Variants in KCND3 observed in about 807,000 individuals in gnomAD.
KCND3 encodes the protein potassium voltage-gated channel subfamily D member 3, also known as A-type voltage-gated potassium channel KCND3.
In KCND3, 9 loss-of-function variants were observed where a neutral mutation model predicts 51.1. The observed-to-expected ratio is 0.18, with a 90% CI of 0.11 to 0.31. KCND3 has a LOEUF of 0.31. Ranked by LOEUF, KCND3 falls within the 10% of genes least tolerant of loss-of-function variation. The pLI, the probability that KCND3 is intolerant of heterozygous loss-of-function variation, is 1.00. For missense variants in KCND3, 526 were observed against 903.8 expected, an observed-to-expected ratio of 0.58 and a Z score of 5.36; for synonymous variants, 349 against 368.0, an observed-to-expected ratio of 0.95 and a Z score of 0.59.
In KCND3 at chr1:111,858,808, T is replaced by C. The variant is rs550818788; in HGVS notation, c.1107-71702A>G. ...CTCTCTAACCTCAATGCCTACTCTT[T>C]TCCCTTGGCCAGTTCTGCTCTAGAC... On this transcript the variant is annotated intron_variant, in intron 2 of 7. Coordinates refer to ENST00000302127, the MANE Select transcript of KCND3 (RefSeq NM_001378969.1). Among the ~76,000 whole-genome samples, 36 of 152,298 alleles carry C rather than the reference T, an allele frequency of 2.4e-4. 1 individual carries two copies. Among genetic ancestry groups the C allele is most frequent in the Admixed American group, 5.2e-4 (8 of 15,296 alleles).
intron 2 of KCND3, among the ~76,000 whole-genome samples, chr1:111,916,857 A>G (rs1326987749): frequency 6.6e-6 from 1 of 152,250 alleles, no homozygotes; most frequent in Non-Finnish European, 1.5e-5. Context: ...TCAAGAAGAA[A>G]TAGATAACTG....
intron 2 of KCND3, among the ~76,000 whole-genome samples, chr1:111,849,686 C>T (rs866481157): frequency 1.3e-5 from 2 of 152,172 alleles, no homozygotes; most frequent in Admixed American, 1.3e-4. Flanking sequence ...CTATATCTGT[C>T]GGGGTGGAGG....
In KCND3 at chr1:111,775,005, GATAA is replaced by G. The variant is rs1664050042; in HGVS notation, c.*1068_*1071del. On this transcript the variant is annotated 3_prime_UTR_variant, in exon 8 of 8. Coordinates refer to ENST00000302127, the MANE Select transcript of KCND3 (RefSeq NM_001378969.1). The stretch of plus-strand genomic sequence containing the variant: ...ATTTGCCTTTTCAAGATTCCAGTGT[GATAA>G]ATCTGTTCATTCCCTTTCTTTCCCA... The G allele has an allele frequency of 6.6e-6, 1 of 152,270 alleles. No individual in the cohort carries two copies. The highest frequency in any genetic ancestry group is 2.4e-5 in the African/African-American group (1 of 41,448). The allele number at this position is 152,270 out of a possible 1,614,324, so 9.4% of individuals were successfully genotyped here. A position where few individuals can be genotyped will look rare whatever the true frequency, so the allele number is the denominator to read the frequency against.
rs1664230292 is a variant in KCND3 at position 111,778,498 on chromosome 1, G to A, written c.1462-6C>T. The stretch of plus-strand genomic sequence containing the variant: ...TCCACAAGATAGGACAACCCCTACA[G>A]GACAACATGCCAACAGAAGATAAAA... On this transcript the variant is annotated splice_polypyrimidine_tract_variant and splice_region_variant and intron_variant, in intron 5 of 7. Transcript: ENST00000302127. The A allele has an allele frequency of 1.2e-6, 2 of 1,613,508 alleles. No homozygotes were observed. Among genetic ancestry groups the A allele is most frequent in the Non-Finnish European group, 1.7e-6 (2 of 1,179,440 alleles).
At chr1:111,794,994 G>T (rs975336146) in intron 2 of KCND3, among the ~76,000 whole-genome samples, 2 of 152,192 alleles carry the variant, frequency 1.3e-5, no homozygotes, top group Admixed American at 6.5e-5. Flanking sequence ...ATGGTTTCTG[G>T]GGAGCCAACA....
intron 2 of KCND3, among the ~76,000 whole-genome samples, chr1:111,913,626 A>G (rs190223110): frequency 7.5e-4 from 115 of 152,336 alleles, no homozygotes; most frequent in African/African-American, 2.6e-3. Flanking sequence ...ATCTAATAAA[A>G]TAGGGCTGTG....
At chr1:111,835,194 A>G (rs1667016192) in intron 2 of KCND3, among the ~76,000 whole-genome samples, 1 of 152,218 alleles carries the variant, frequency 6.6e-6, no homozygotes, top group Admixed American at 6.5e-5. Context: ...CTCTGCATTC[A>G]GATCTTTGTG....
intron 2 of KCND3, among the ~76,000 whole-genome samples, chr1:111,870,527 A>C (rs895036770): frequency 6.6e-6 from 1 of 152,176 alleles, no homozygotes; most frequent in African/African-American, 2.4e-5. Context: ...TGCCATTTTG[A>C]AGATAAGAGC....
At chr1:111,911,970 G>A (rs1050116340) in intron 2 of KCND3, among the ~76,000 whole-genome samples, 1 of 152,180 alleles carries the variant, frequency 6.6e-6, no homozygotes, top group Non-Finnish European at 1.5e-5. Flanking sequence ...AGTTCAAGAC[G>A]ACTGAGGCAG....
At chr1:111,846,611 C>T (rs773818031) in intron 2 of KCND3, among the ~76,000 whole-genome samples, 17 of 152,200 alleles carry the variant, frequency 1.1e-4, no homozygotes, top group Admixed American at 2.0e-4. Context: ...GCTTCCCCTT[C>T]CTCATAAGGT....
At chr1:111,900,100 T>C (rs533058758) in intron 2 of KCND3, among the ~76,000 whole-genome samples, 5 of 152,208 alleles carry the variant, frequency 3.3e-5, no homozygotes, top group African/African-American at 7.2e-5. Context: ...GGGACTATCT[T>C]AGCCATTACA....
intron 2 of KCND3, among the ~76,000 whole-genome samples, chr1:111,883,376 C>A (rs184232650): frequency 1.4e-4 from 22 of 152,340 alleles, no homozygotes; most frequent in African/African-American, 5.1e-4. Context: ...TTCATCATTC[C>A]CTGCTTTGCT....
chr1:111,819,330 G>A (rs545346907), intron 2 of KCND3, among the ~76,000 whole-genome samples: 2 of 152,024 alleles, frequency 1.3e-5, no homozygotes, highest in East Asian at 1.9e-4. Context: ...GAAGAACCAC[G>A]GAGAAGAAAG....
At position 111,982,273 on chromosome 1, in the gene KCND3, C is replaced by G; in HGVS notation, c.454G>C (p.Asp152His). The G allele has an allele frequency of 6.2e-7, 1 of 1,614,070 alleles. No individual in the cohort carries two copies. Among genetic ancestry groups the G allele is most frequent in the Non-Finnish European group, 8.5e-7 (1 of 1,180,018 alleles). Residue 152 changes from aspartate (D) to histidine (H), a missense_variant, in exon 2 of 8, where the codon GAC (aspartate) becomes CAC (histidine). Asp to His is a moderately conservative substitution (Grantham distance 81). This residue lies in a region of KCND3 where 159 missense variants were observed against 262.8 expected (regional missense o/e 0.61). Coordinates refer to ENST00000302127, the MANE Select transcript of KCND3 (RefSeq NM_001378969.1). This position sits in a 1 kb window ranked among gnomAD's most constrained non-coding sequence, Gnocchi z 8.5. Reference protein sequence around the residue: ...ENAERLMDDNDSENNQESMPS... With the variant: ...ENAERLMDDNHSENNQESMPS... Reference sequence around the variant, plus strand: ...ATGGACTCCTGGTTGTTCTCCGAGTCGTTGTCGTCCATGAGCCGCTCGGCG... The same window carrying G: ...ATGGACTCCTGGTTGTTCTCCGAGTGGTTGTCGTCCATGAGCCGCTCGGCG...
intron 2 of KCND3, among the ~76,000 whole-genome samples, chr1:111,893,419 T>C (rs1669943499): frequency 6.6e-6 from 1 of 151,934 alleles, no homozygotes; most frequent in African/African-American, 2.4e-5. Flanking sequence ...ATGGAGGAAG[T>C]CTTGGAAGAA....
At chr1:111,980,412 T>C (rs1204076295) in intron 2 of KCND3, among the ~76,000 whole-genome samples, 1 of 152,036 alleles carries the variant, frequency 6.6e-6, no homozygotes, top group Non-Finnish European at 1.5e-5. Context: ...TTAAAAGGTC[T>C]CGTCACCTGC....
chr1:111,985,912 TACTGGA>T (rs920405768), intron 1 of KCND3, among the ~76,000 whole-genome samples: 3 of 151,898 alleles, frequency 2.0e-5, no homozygotes, highest in African/African-American at 7.3e-5. Context: ...ATGAGCTGAT[TACTGGA>T]ACTGAGGAAC....
At chr1:111,949,510 G>T (rs1672951208) in intron 2 of KCND3, among the ~76,000 whole-genome samples, 1 of 150,396 alleles carries the variant, frequency 6.6e-6, no homozygotes, top group Admixed American at 7.2e-5. Context: ...GATTTAGAAG[G>T]GTAAGGAAAA....
At chr1:111,870,265 C>A (rs1406998865) in intron 2 of KCND3, among the ~76,000 whole-genome samples, 1 of 152,232 alleles carries the variant, frequency 6.6e-6, no homozygotes, top group Non-Finnish European at 1.5e-5. Context: ...CTCTTCTGAG[C>A]TGGAACTCTG....
Sources: gnomAD v4.1 joint callset for allele counts (sites outside exome capture counted in the v4.1 genomes callset) on GRCh38, gnomAD v4.1.1 for gene constraint, gnomAD v4.1.1 regional missense constraint, Gnocchi (gnomAD v3.1) non-coding constraint, MANE v1.5 for transcripts, NCBI Gene and HGNC (gene_info 2026-07-23, HGNC 2026-07-21) for gene names.